SPOCK1: variants seen among roughly 807,000 people sequenced by gnomAD.
SPOCK1 encodes the protein SPARC (osteonectin), cwcv and kazal like domains proteoglycan 1.
SPOCK1 carries 23 observed loss-of-function variants against 55.3 expected under a neutral mutation model. The ratio of observed to expected loss-of-function variants is 0.42; its 90% CI spans 0.30 to 0.59. The LOEUF is 0.59. Among genes scored for constraint, SPOCK1 ranks in the 20% least tolerant of loss-of-function variants. The pLI is 0.22. For missense variants in SPOCK1, 499 were observed against 552.5 expected, an observed-to-expected ratio of 0.90 and a Z score of 0.97; for synonymous variants, 226 against 221.0, an observed-to-expected ratio of 1.02 and a Z score of -0.20.
At chr5:136,996,339 A>G (rs1386862873) in intron 6 of SPOCK1, among the ~76,000 whole-genome samples, 1 of 152,160 alleles carries the variant, frequency 6.6e-6, no homozygotes, top group Non-Finnish European at 1.5e-5. Context: ...TCCTGGCGAG[A>G]GGAGCAGGGC....
At chr5:137,360,989 T>C (rs1750931818) in intron 2 of SPOCK1, among the ~76,000 whole-genome samples, 1 of 152,144 alleles carries the variant, frequency 6.6e-6, no homozygotes, top group Admixed American at 6.5e-5. Flanking sequence ...TAGCCCCCAG[T>C]GTGATGATAT....
intron 2 of SPOCK1, among the ~76,000 whole-genome samples, chr5:137,470,973 G>A (rs1753727855): frequency 1.3e-5 from 2 of 152,180 alleles, no homozygotes; most frequent in South Asian, 4.1e-4. Flanking sequence ...GTAAACTGGG[G>A]GAAAACAGTT....
chr5:137,114,942 C>A (rs1257484910), intron 4 of SPOCK1, among the ~76,000 whole-genome samples: 1 of 152,122 alleles, frequency 6.6e-6, no homozygotes. Context: ...AGGAAAAAAG[C>A]CTAAGGGAGC....
chr5:137,353,037 C>A (rs1246199700), intron 2 of SPOCK1, among the ~76,000 whole-genome samples: 1 of 152,156 alleles, frequency 6.6e-6, no homozygotes, highest in Non-Finnish European at 1.5e-5. Flanking sequence ...TCAGAGCTGA[C>A]AAACTGAAAG....
intron 2 of SPOCK1, among the ~76,000 whole-genome samples, chr5:137,326,767 C>G (rs368484513): frequency 3.9e-5 from 6 of 152,196 alleles, no homozygotes; most frequent in Non-Finnish European, 7.4e-5. Context: ...GGAGATTCAA[C>G]CTTTCACAGA....
chr5:137,001,368 C>T (rs1751145379), intron 6 of SPOCK1, among the ~76,000 whole-genome samples: 2 of 152,194 alleles, frequency 1.3e-5, no homozygotes, highest in South Asian at 4.1e-4. Flanking sequence ...GAAATGACCA[C>T]AGGAAGCCAT....
chr5:137,260,615 G>A (rs1474002996), intron 3 of SPOCK1, among the ~76,000 whole-genome samples: 1 of 152,192 alleles, frequency 6.6e-6, no homozygotes, highest in East Asian at 1.9e-4. Context: ...TATAGCTGAT[G>A]TTTTATTCTC....
At chr5:137,212,436 T>A (rs889542278) in intron 3 of SPOCK1, among the ~76,000 whole-genome samples, 2 of 152,158 alleles carry the variant, frequency 1.3e-5, no homozygotes, top group Non-Finnish European at 2.9e-5. Flanking sequence ...GATGGTGCAA[T>A]TTCTTAGAAT....
chr5:137,408,720 T>C (rs932468117), intron 2 of SPOCK1, among the ~76,000 whole-genome samples: 2 of 152,128 alleles, frequency 1.3e-5, no homozygotes, highest in Non-Finnish European at 2.9e-5. Context: ...TAATGTTATG[T>C]CATGGTAAAG....
At chr5:137,189,389 T>C (rs1561466334) in intron 3 of SPOCK1, among the ~76,000 whole-genome samples, 1 of 152,200 alleles carries the variant, frequency 6.6e-6, no homozygotes, top group Non-Finnish European at 1.5e-5. Flanking sequence ...CCAGTGCTCA[T>C]TTACCATTCC....
chr5:137,119,698 A>G (rs1487762258), intron 4 of SPOCK1, among the ~76,000 whole-genome samples: 1 of 152,248 alleles, frequency 6.6e-6, no homozygotes, highest in African/African-American at 2.4e-5. Flanking sequence ...TGGGCACGCA[A>G]TGGTGCAAAA....
intron 9 of SPOCK1, among the ~76,000 whole-genome samples, chr5:136,984,690 T>C (rs543281262): frequency 6.6e-6 from 1 of 152,332 alleles, no homozygotes; most frequent in South Asian, 2.1e-4. Context: ...CTTAAGCACA[T>C]ACATGTCGTT....
intron 3 of SPOCK1, among the ~76,000 whole-genome samples, chr5:137,166,382 T>G (rs1754647835): frequency 2.0e-5 from 3 of 151,920 alleles, no homozygotes; most frequent in South Asian, 4.1e-4. Context: ...CTGAGGGATT[T>G]CATCAACACC....
chr5:137,471,971 G>A (rs561721765), intron 2 of SPOCK1, among the ~76,000 whole-genome samples: 17 of 152,302 alleles, frequency 1.1e-4, no homozygotes, highest in South Asian at 6.2e-4. Context: ...CAGGAGAGGA[G>A]AACAGAGCAA....
At chr5:137,079,536 C>G (rs1043049100) in intron 5 of SPOCK1, among the ~76,000 whole-genome samples, 35 of 113,872 alleles carry the variant, frequency 3.1e-4, no homozygotes, top group East Asian at 1.2e-3. Flanking sequence ...ATCTGATTCC[C>G]CCCCCCCCCG....
At chr5:137,177,921 A>C (rs1203404052) in intron 3 of SPOCK1, among the ~76,000 whole-genome samples, 2 of 152,142 alleles carry the variant, frequency 1.3e-5, no homozygotes, top group African/African-American at 2.4e-5. Flanking sequence ...TCCTAAATAG[A>C]GGCAGTATAG....
intron 3 of SPOCK1, among the ~76,000 whole-genome samples, chr5:137,238,397 A>G (rs1346375081): frequency 1.1e-4 from 16 of 152,220 alleles, no homozygotes; most frequent in Admixed American, 1.0e-3. Context: ...TCACAATGTG[A>G]AATTATTTAG....
chr5:137,452,563 G>C lies in SPOCK1; in HGVS notation c.186+45810C>G, dbSNP rs79135497. 7.9e-5 allele frequency among the ~76,000 whole-genome samples: 12 copies of C among 152,300 alleles called. No homozygotes were observed. The East Asian group carries it at 2.3e-3, about 29-fold the overall frequency. Reference sequence around the variant, plus strand: ...CTTTTTAATTTGAATGTGTCTAACAGACATCCTAAAAATTGAGATTGTAAT... The same window carrying C: ...CTTTTTAATTTGAATGTGTCTAACACACATCCTAAAAATTGAGATTGTAAT... On this transcript the variant is annotated intron_variant, in intron 2 of 10. Transcript: ENST00000394945.
intron 3 of SPOCK1, among the ~76,000 whole-genome samples, chr5:137,229,177 A>C (rs1756003301): frequency 6.6e-6 from 1 of 152,248 alleles, no homozygotes; most frequent in African/African-American, 2.4e-5. Flanking sequence ...TAAAATGATG[A>C]ACTTATTTTT....
Sources: gnomAD v4.1 joint callset for allele counts (sites outside exome capture counted in the v4.1 genomes callset) on GRCh38, gnomAD v4.1.1 for gene constraint, MANE v1.5 for transcripts, NCBI Gene and HGNC (gene_info 2026-07-23, HGNC 2026-07-21) for gene names.